Variants in MYCBP2 observed in about 807,000 individuals in gnomAD.
MYCBP2 encodes MYC binding protein 2.
Under a neutral mutation model 525.3 loss-of-function variants are expected in MYCBP2, and 120 were observed. The observed-to-expected ratio is 0.23, with a 90% CI of 0.20 to 0.27. The LOEUF (loss-of-function observed/expected upper bound fraction) is 0.27, where lower values mean the gene tolerates loss of function less well. Among genes scored for constraint, MYCBP2 ranks in the 10% least tolerant of loss-of-function variants. MYCBP2 has a pLI of 1.00. For missense variants in MYCBP2, 4,149 were observed against 5,657.1 expected, an observed-to-expected ratio of 0.73 and a Z score of 8.55; for synonymous variants, 1,894 against 1,955.8, an observed-to-expected ratio of 0.97 and a Z score of 0.83.
chr13:77,159,839 G>C (rs2057670836), intron 44 of MYCBP2, among the ~76,000 whole-genome samples: 1 of 152,050 alleles, frequency 6.6e-6, no homozygotes, highest in Admixed American at 6.6e-5. Flanking sequence ...TGGACTAATA[G>C]AAACTCTTTG....
rs1218869139 is a variant in MYCBP2 at position 77,119,703 on chromosome 13, G to T, written c.8140+1670C>A. Among the ~76,000 whole-genome samples the T allele has an allele frequency of 2.0e-5, 3 of 152,154 alleles. No individual in the cohort carries two copies. In the East Asian group the frequency reaches 5.8e-4, roughly 29 times the overall value. On this transcript the variant is annotated intron_variant, in intron 55 of 82. Transcript: ENST00000544440. ...AAATATTTTAAAAGCTTGTTAACAA[G>T]AGTAGGCTTATTATTAATATTTTTT...
At chr13:77,213,089 T>A (rs1318562680) in intron 21 of MYCBP2, among the ~76,000 whole-genome samples, 1 of 152,152 alleles carries the variant, frequency 6.6e-6, no homozygotes, top group Admixed American at 6.5e-5. Context: ...GGCAAGCACA[T>A]GATTAGAGAA....
chr13:77,318,032 C>T (rs551248703), intron 1 of MYCBP2, among the ~76,000 whole-genome samples: 1 of 151,892 alleles, frequency 6.6e-6, no homozygotes, highest in Non-Finnish European at 1.5e-5. Flanking sequence ...CTGAAATGAT[C>T]CCTGTAGTAG....
intron 15 of MYCBP2, among the ~76,000 whole-genome samples, chr13:77,250,798 T>A (rs2071075328): frequency 6.6e-6 from 1 of 152,202 alleles, no homozygotes; most frequent in African/African-American, 2.4e-5. Flanking sequence ...TAGAAAAGAT[T>A]CATGTTCAAC....
rs758792215 is a variant in MYCBP2, at chr13:77,168,688, A to T, written c.5896-42T>A. On this transcript the variant is annotated intron_variant, in intron 39 of 82. Transcript: ENST00000544440. ...AATATGGTTAAATGAGATACACGTGAAAGTGGTTCTAAAATTATGCATTAC... is the reference window on the plus strand; with the variant it reads ...AATATGGTTAAATGAGATACACGTGTAAGTGGTTCTAAAATTATGCATTAC... 8.3e-6 allele frequency: 13 copies of T among 1,567,634 alleles called. No homozygotes were observed. The South Asian group carries it at 1.5e-4, about 18-fold the overall frequency.
intron 63 of MYCBP2, 191 bp from the exon 64 acceptor site, chr13:77,082,184 G>A: frequency 2.0e-6 from 1 of 503,318 alleles, no homozygotes; most frequent in South Asian, 3.4e-5. Context: ...AACTTCTTTG[G>A]AACAAGGTAA....
chr13:77,103,947 T>C (rs2047463355), intron 55 of MYCBP2, among the ~76,000 whole-genome samples: 1 of 152,038 alleles, frequency 6.6e-6, no homozygotes, highest in African/African-American at 2.4e-5. Context: ...GCAAAGAAAA[T>C]TTATAAGTTA....
intron 20 of MYCBP2, 24 bp from the exon 21 acceptor site, chr13:77,217,981 A>C (rs2065052748): frequency 6.7e-7 from 1 of 1,482,568 alleles, no homozygotes; most frequent in Non-Finnish European, 9.2e-7. Flanking sequence ...AAAAAAAGTA[A>C]GTCAATTTCT....
At chr13:77,257,638 A>C in intron 14 of MYCBP2, 33 bp downstream of exon 14, 2 of 1,507,602 alleles carry the variant, frequency 1.3e-6, no homozygotes, top group Non-Finnish European at 8.8e-7. Flanking sequence ...AAAAGACAAC[A>C]CAAATTTTAA....
At chr13:77,299,996 G>C (rs1307339771) in intron 1 of MYCBP2, among the ~76,000 whole-genome samples, 2 of 152,058 alleles carry the variant, frequency 1.3e-5, no homozygotes, top group African/African-American at 2.4e-5. Context: ...CAGTGATATA[G>C]ATCAATAGTT....
intron 80 of MYCBP2, among the ~76,000 whole-genome samples, chr13:77,054,400 A>G (rs1173099032): frequency 6.6e-6 from 1 of 151,352 alleles, no homozygotes; most frequent in African/African-American, 2.4e-5. Flanking sequence ...TTTTAGATCT[A>G]GAAGTATTAA....
intron 1 of MYCBP2, among the ~76,000 whole-genome samples, chr13:77,303,750 A>G (rs1028216390): frequency 6.8e-6 from 1 of 147,614 alleles, no homozygotes; most frequent in African/African-American, 2.5e-5. Flanking sequence ...CTCCTTTTGC[A>G]TACACATAAA....
chr13:77,286,789 AATATATATATAT>A lies in MYCBP2; in HGVS notation c.594+1360_594+1371del, dbSNP rs1197559343. Among the ~76,000 whole-genome samples, 171 of 42,298 alleles carry A rather than the reference AATATATATATAT, an allele frequency of 4.0e-3. 3 individuals are homozygous for A. Among genetic ancestry groups the A allele is most frequent in the African/African-American group, 0.016 (143 of 8,936 alleles). The allele number at this position is 42,298 out of a possible 152,430, so 27.7% of individuals were successfully genotyped here. The stretch of plus-strand genomic sequence containing the variant: ...AAAAAAAAAAAAAAAAAAAAAAAAA[AATATATATATAT>A]ATATATATATATATATAGACCTTCC... On this transcript the variant is annotated intron_variant, in intron 3 of 82. Coordinates refer to ENST00000544440, the MANE Select transcript of MYCBP2 (RefSeq NM_015057.5).
intron 55 of MYCBP2, chr13:77,100,058 T>C (rs146752347): frequency 1.5e-4 from 23 of 152,186 alleles, no homozygotes; most frequent in African/African-American, 5.1e-4. Flanking sequence ...GCAATCTGAC[T>C]GAAGGGTTTC....
At chr13:77,191,987 GTTAT>G (rs977370553) in intron 27 of MYCBP2, among the ~76,000 whole-genome samples, 174 bp from the exon 28 acceptor site, 1 of 152,142 alleles carries the variant, frequency 6.6e-6, no homozygotes, top group Non-Finnish European at 1.5e-5. Flanking sequence ...AGCAAATATA[GTTAT>G]TTATGTTATG....
At chr13:77,070,839 T>C (rs1269166461) in intron 68 of MYCBP2, 128 bp from the exon 69 acceptor site, 1 of 545,352 alleles carries the variant, frequency 1.8e-6, no homozygotes, top group Non-Finnish European at 3.1e-6. Flanking sequence ...AAATTTATTT[T>C]AAATTGAGGC....
At chr13:77,166,580 G>A (rs2058540475) in intron 40 of MYCBP2, 26 bp from the exon 41 acceptor site, 1 of 1,505,484 alleles carries the variant, frequency 6.6e-7, no homozygotes, top group Non-Finnish European at 9.2e-7. Context: ...AAAGTGACAT[G>A]AATACAGATA....
intron 13 of MYCBP2, among the ~76,000 whole-genome samples, chr13:77,259,801 C>T (rs2072937709): frequency 6.6e-6 from 1 of 152,174 alleles, no homozygotes; most frequent in African/African-American, 2.4e-5. Context: ...TGGGATGCTT[C>T]ACTCATTATA....
chr13:77,122,252 C>T (rs976398222), intron 54 of MYCBP2, among the ~76,000 whole-genome samples: 2 of 151,620 alleles, frequency 1.3e-5, no homozygotes, highest in African/African-American at 2.4e-5. Flanking sequence ...TTAATGCCAG[C>T]CAAAAAAGGC....
Sources: allele counts gnomAD v4.1 joint callset (sites outside exome capture counted in the v4.1 genomes callset), GRCh38; gene constraint gnomAD v4.1.1; transcripts MANE v1.5; gene names NCBI Gene and HGNC (gene_info 2026-07-23, HGNC 2026-07-21).